RTF1: variants seen among roughly 807,000 people sequenced by gnomAD.
RTF1 encodes RTF1 homolog, Paf1/RNA polymerase II complex component.
In RTF1, 10 loss-of-function variants were observed where a neutral mutation model predicts 95.7. The observed-to-expected ratio is 0.10, with a 90% CI of 0.06 to 0.18. The LOEUF is 0.18. Among genes scored for constraint, RTF1 ranks in the 10% least tolerant of loss-of-function variants. The pLI is 1.00. For synonymous variants in RTF1, 305 were observed against 311.8 expected (o/e 0.98, Z 0.23); for missense variants, 458 against 875.6 (o/e 0.52, Z 6.02).
At chr15:41,447,946 T>C (rs943681206) in intron 2 of RTF1, among the ~76,000 whole-genome samples, 4 of 152,204 alleles carry the variant, frequency 2.6e-5, no homozygotes, top group Non-Finnish European at 5.9e-5. Context: ...AGCATCCCTT[T>C]AATTCTTTCC....
chr15:41,427,469 A>G (rs976653228), intron 1 of RTF1, among the ~76,000 whole-genome samples: 3 of 152,108 alleles, frequency 2.0e-5, no homozygotes, highest in Non-Finnish European at 4.4e-5. Context: ...TTTTTAAAAA[A>G]TTAGCTGAGT....
intron 8 of RTF1, among the ~76,000 whole-genome samples, chr15:41,473,629 C>T (rs1376003557): frequency 3.9e-5 from 6 of 152,120 alleles, no homozygotes; most frequent in Non-Finnish European, 7.3e-5. Flanking sequence ...GCGGTGTGAT[C>T]AGAGCTCATT....
chr15:41,467,293 C>G (rs981094892), intron 6 of RTF1, among the ~76,000 whole-genome samples: 2 of 152,064 alleles, frequency 1.3e-5, no homozygotes, highest in Non-Finnish European at 2.9e-5. Context: ...ATAAAAGGGG[C>G]AAGCAAAGAC....
chr15:41,420,255 C>G (rs2050593781), intron 1 of RTF1, among the ~76,000 whole-genome samples: 1 of 152,124 alleles, frequency 6.6e-6, no homozygotes, highest in African/African-American at 2.4e-5. Context: ...TTCTTGTTAT[C>G]AGATGGGAAC....
chr15:41,466,699 C>T (rs1357491919), intron 6 of RTF1, among the ~76,000 whole-genome samples: 1 of 152,176 alleles, frequency 6.6e-6, no homozygotes, highest in African/African-American at 2.4e-5. Context: ...AACAAGACCA[C>T]TTGAATCAGG....
chr15:41,441,740 G>C (rs1268536835), intron 2 of RTF1, among the ~76,000 whole-genome samples: 1 of 152,170 alleles, frequency 6.6e-6, no homozygotes, highest in Non-Finnish European at 1.5e-5. Context: ...CAAGAAATGA[G>C]CGTTTGAGTG....
chr15:41,478,446 T>C lies in RTF1; in HGVS notation c.1741-102T>C, dbSNP rs924247864. ...AAAAAGGAAAAGGATAATAGCTTTT[T>C]TTTTTTTCAGTCCCGTGCAAAGACT... On this transcript the variant is annotated intron_variant, in intron 14 of 17. Transcript: ENST00000389629. 7.1e-6 allele frequency: 6 copies of C among 840,208 alleles called. No individual in the cohort carries two copies. The East Asian group carries it at 1.3e-4, about 18-fold the overall frequency. 52.0% of individuals were successfully genotyped at this position (840,208 alleles called of 1,614,324 possible). A position where few individuals can be genotyped will look rare whatever the true frequency, so the allele number is the denominator to read the frequency against.
In RTF1 at chr15:41,474,717, TG is replaced by T; in HGVS notation, c.1286+19del. The stretch of plus-strand genomic sequence containing the variant: ...CTGCAACTACGGTAGGAGGCACTTC[TG>T]GGGTAGCTTCTGCTTCCACTTCAAA... On this transcript the variant is annotated intron_variant, in intron 9 of 17. Coordinates refer to ENST00000389629, the MANE Select transcript of RTF1 (RefSeq NM_015138.5). The T allele has an allele frequency of 6.3e-7, 1 of 1,594,512 alleles. No individual in the cohort carries two copies. Among genetic ancestry groups the T allele is most frequent in the Non-Finnish European group, 8.6e-7 (1 of 1,162,116 alleles).
intron 1 of RTF1, among the ~76,000 whole-genome samples, chr15:41,429,754 C>T (rs1361981734): frequency 6.6e-6 from 1 of 152,030 alleles, no homozygotes; most frequent in Non-Finnish European, 1.5e-5. Flanking sequence ...ACCATCTTTT[C>T]CTCTCGTGAA....
intron 6 of RTF1, 131 bp from the exon 7 acceptor site, chr15:41,470,126 A>T: frequency 1.1e-6 from 1 of 939,006 alleles, no homozygotes; most frequent in Non-Finnish European, 1.6e-6. Context: ...ATATACCCCA[A>T]GTTAGCACAA....
At chr15:41,463,263 A>G (rs2050860711) in intron 4 of RTF1, among the ~76,000 whole-genome samples, 1 of 152,056 alleles carries the variant, frequency 6.6e-6, no homozygotes, top group Non-Finnish European at 1.5e-5. Flanking sequence ...CCTTTTTGCT[A>G]TTGTGACTGG....
intron 11 of RTF1, 47 bp downstream of exon 11, chr15:41,475,866 T>C: frequency 1.1e-6 from 1 of 928,868 alleles, no homozygotes; most frequent in Non-Finnish European, 1.7e-6. Flanking sequence ...CAAGAACCAG[T>C]GTTGAGAGAA....
At chr15:41,447,304 T>G (rs2050768675) in intron 2 of RTF1, among the ~76,000 whole-genome samples, 1 of 152,186 alleles carries the variant, frequency 6.6e-6, no homozygotes. Context: ...CTCAAAATAC[T>G]CAGCATCTCA....
At chr15:41,445,785 G>A (rs1459443336) in intron 2 of RTF1, among the ~76,000 whole-genome samples, 1 of 150,794 alleles carries the variant, frequency 6.6e-6, no homozygotes, top group African/African-American at 2.4e-5. Context: ...AAGAGGGCTG[G>A]AGTGTGGTGG....
intron 1 of RTF1, among the ~76,000 whole-genome samples, chr15:41,425,627 G>A (rs746592899): frequency 2.0e-5 from 3 of 152,122 alleles, no homozygotes; most frequent in Non-Finnish European, 4.4e-5. Flanking sequence ...GAGGGTAACC[G>A]TATGTGTTCA....
intron 2 of RTF1, among the ~76,000 whole-genome samples, chr15:41,449,395 T>C (rs914543600): frequency 1.3e-5 from 2 of 152,116 alleles, no homozygotes; most frequent in Non-Finnish European, 2.9e-5. Flanking sequence ...CATGCCCGGC[T>C]AATTTTTTTG....
intron 2 of RTF1, among the ~76,000 whole-genome samples, 164 bp downstream of exon 2, chr15:41,438,595 T>A (rs1401157106): frequency 1.3e-5 from 2 of 152,162 alleles, no homozygotes; most frequent in Non-Finnish European, 2.9e-5. Context: ...GCGCTGTGGC[T>A]CTCTCCTGTA....
At position 41,457,797 on chromosome 15, in the gene RTF1, C is replaced by T; in HGVS notation, c.583C>T (p.Arg195Cys). The T allele has an allele frequency of 1.9e-6, 3 of 1,613,984 alleles. No homozygotes were observed. The highest frequency in any genetic ancestry group is 2.5e-6 in the Non-Finnish European group (3 of 1,180,002). The change falls in exon 4 of 18, where the codon CGT (arginine) becomes TGT (cysteine). Residue 195 changes from arginine (R) to cysteine (C), a missense_variant. Around this residue, in one of 11 missense-constraint regions of RTF1, gnomAD observed 17 missense variants for 69.3 expected, o/e 0.25. Transcript: ENST00000389629. ...DLMGDEEDRA[R>C]LEQMTEKERE... ...CATGGGAGATGAGGAAGACAGGGCC[C>T]GTCTGGAACAGATGACAGAGAAAGA...
intron 1 of RTF1, among the ~76,000 whole-genome samples, chr15:41,423,651 G>A (rs1165877003): frequency 2.0e-5 from 3 of 152,060 alleles, no homozygotes; most frequent in Admixed American, 6.6e-5. Flanking sequence ...TTACAGGGGT[G>A]AGCCACCACG....
Sources: allele counts gnomAD v4.1 joint callset (sites outside exome capture counted in the v4.1 genomes callset), GRCh38; gene constraint gnomAD v4.1.1; regional missense constraint gnomAD v4.1.1; transcripts MANE v1.5; gene names NCBI Gene and HGNC (gene_info 2026-07-23, HGNC 2026-07-21).